The following CIBAR1 variants were observed in gnomAD, a reference collection of about 807,000 sequenced individuals.
CIBAR1 encodes CBY1 interacting BAR domain containing 1.
A neutral mutation model predicts 44.0 loss-of-function variants in CIBAR1; 25 were observed. The observed-to-expected ratio is 0.57, with a 90% CI of 0.41 to 0.79. CIBAR1 has a LOEUF of 0.79. Among genes scored for constraint, CIBAR1 ranks in the 30% least tolerant of loss-of-function variants. The pLI, the probability that CIBAR1 is intolerant of heterozygous loss-of-function variation, is 0.00. For missense variants in CIBAR1, 278 were observed against 344.8 expected, an observed-to-expected ratio of 0.81 and a Z score of 1.53; for synonymous variants, 115 against 119.0, an observed-to-expected ratio of 0.97 and a Z score of 0.22.
At chr8:93,702,336 A>G (rs1199201630) in intron 2 of CIBAR1, 2 of 396,014 alleles carry the variant, frequency 5.1e-6, no homozygotes, top group African/African-American at 2.1e-5. Flanking sequence ...TCTCAATTAT[A>G]TATGATAACT....
chr8:93,715,669 G>A (rs1266813600), intron 6 of CIBAR1: 1 of 151,900 alleles, frequency 6.6e-6, no homozygotes, highest in African/African-American at 2.4e-5. Context: ...TACATCAATG[G>A]GACCACCGTA....
intron 3 of CIBAR1, among the ~76,000 whole-genome samples, chr8:93,704,362 A>G (rs1325659083): frequency 2.0e-5 from 3 of 152,172 alleles, no homozygotes; most frequent in Non-Finnish European, 4.4e-5. Flanking sequence ...GCAGTCCCCA[A>G]CCATTTTGGC....
At chr8:93,724,335 AT>A (rs1453585834) in intron 7 of CIBAR1, among the ~76,000 whole-genome samples, 5 of 152,194 alleles carry the variant, frequency 3.3e-5, no homozygotes, top group Admixed American at 2.0e-4. Context: ...TATATATAAA[AT>A]TTTTTTTAAG....
At chr8:93,724,711 G>T in intron 7 of CIBAR1, 4 of 1,098,028 alleles carry the variant, frequency 3.6e-6, no homozygotes, top group Non-Finnish European at 4.6e-6. Context: ...TAGCCATTAG[G>T]CATATATAAC....
intron 8 of CIBAR1, 93 bp downstream of exon 8, chr8:93,726,606 G>A: frequency 9.6e-6 from 14 of 1,459,180 alleles, no homozygotes; most frequent in Non-Finnish European, 1.3e-5. Context: ...TATCACCTCG[G>A]TAACTTATCC....
chr8:93,700,876 G>A, intron 1 of CIBAR1: 1 of 1,309,368 alleles, frequency 7.6e-7, no homozygotes, highest in Non-Finnish European at 9.6e-7. Context: ...CCGGCCGGCT[G>A]CCACCCACCC....
rs759944744 is a variant in CIBAR1, at chr8:93,728,218, G to A, written c.791G>A (p.Arg264Gln). The A allele has an allele frequency of 3.8e-6, 6 of 1,578,586 alleles. No homozygotes were observed. Among genetic ancestry groups the A allele is most frequent in the African/African-American group, 1.4e-5 (1 of 72,628 alleles). The change falls in exon 9 of 9, where the codon CGA (arginine) becomes CAA (glutamine). Residue 264 changes from arginine to glutamine, a missense_variant. Around this residue, in one of 3 missense-constraint regions of CIBAR1, gnomAD observed 93 missense variants for 108.9 expected, o/e 0.85. Transcript: ENST00000518322. The stretch of plus-strand genomic sequence containing the variant: ...AACTTTTAACAGGTATCCACTTGTC[G>A]ACTAAGAAAGGATCAACAAGCAGAA... ...VSGTGQVSTC[R>Q]LRKDQQAEDD...
At position 93,709,759 on chromosome 8, in the gene CIBAR1, A is replaced by G. The variant is rs745313526; in HGVS notation, c.439-12A>G. The G allele has an allele frequency of 3.1e-6, 5 of 1,609,062 alleles. No individual in the cohort carries two copies. Among genetic ancestry groups the G allele is most frequent in the Admixed American group, 1.7e-5 (1 of 59,822 alleles). The stretch of plus-strand genomic sequence containing the variant: ...TTTTTTTTATATCCTTGGTTGGGGA[A>G]TACTTTTGTAGGCAGAAACGGAATT... On this transcript the variant is annotated splice_polypyrimidine_tract_variant and intron_variant, in intron 5 of 8. Transcript: ENST00000518322.
intron 7 of CIBAR1, chr8:93,721,137 C>A (rs1439285020): frequency 1.3e-5 from 2 of 152,070 alleles, no homozygotes; most frequent in Non-Finnish European, 2.9e-5. Flanking sequence ...GACTACAAGG[C>A]CCATTATGCT....
chr8:93,705,311 A>G (rs1463482505), intron 4 of CIBAR1: 6 of 365,606 alleles, frequency 1.6e-5, no homozygotes, highest in Non-Finnish European at 2.9e-5. Context: ...TGATGACTAA[A>G]TATTAATTCT....
At position 93,703,653 on chromosome 8, in the gene CIBAR1, T is replaced by G; in HGVS notation, c.295T>G (p.Leu99Val). Residue 99 changes from leucine to valine, a missense_variant, in exon 3 of 9, where the codon TTG becomes GTG. Around this residue, in one of 3 missense-constraint regions of CIBAR1, gnomAD observed 183 missense variants for 218.6 expected, o/e 0.84. Coordinates refer to ENST00000518322, the MANE Select transcript of CIBAR1 (RefSeq NM_145269.5). ...ACTTGAAGCCAAAGTAGTTGAACCC[T>G]TGAAAACTTATGGGACCATTGTGAA... The part of the protein sequence containing the change: ...ERLEAKVVEP[L>V]KTYGTIVKMK... The G allele has an allele frequency of 6.4e-7, 1 of 1,552,362 alleles. No homozygotes were observed. The highest frequency in any genetic ancestry group is 2.4e-5 in the East Asian group (1 of 41,394).
chr8:93,724,573 G>A, intron 7 of CIBAR1: 1 of 1,276,616 alleles, frequency 7.8e-7, no homozygotes, highest in South Asian at 1.3e-5. Flanking sequence ...CGATCCGCCT[G>A]CGTTGGCCTC....
At chr8:93,718,824 T>G (rs1281814584) in intron 7 of CIBAR1, 36 bp downstream of exon 7, 4 of 1,223,646 alleles carry the variant, frequency 3.3e-6, no homozygotes, top group Non-Finnish European at 1.1e-6. Flanking sequence ...GTTCTTCTGT[T>G]AATGTGGAAA....
intron 6 of CIBAR1, among the ~76,000 whole-genome samples, chr8:93,710,922 T>G (rs1169429521): frequency 1.3e-5 from 2 of 152,140 alleles, no homozygotes; most frequent in Non-Finnish European, 2.9e-5. Context: ...ATAAACCAAT[T>G]TTTTAATCTG....
intron 6 of CIBAR1, chr8:93,716,243 C>A (rs949858738): frequency 2.0e-5 from 3 of 152,096 alleles, no homozygotes; most frequent in Admixed American, 2.0e-4. Flanking sequence ...AGGGTTTCAC[C>A]ATGTTGGCCA....
intron 8 of CIBAR1, chr8:93,727,274 A>C: frequency 9.6e-7 from 1 of 1,045,402 alleles, no homozygotes; most frequent in South Asian, 1.4e-5. Flanking sequence ...TTCTATTTTC[A>C]TTTGATTCTC....
At chr8:93,712,422 A>G (rs969412182) in intron 6 of CIBAR1, among the ~76,000 whole-genome samples, 7 of 152,184 alleles carry the variant, frequency 4.6e-5, no homozygotes, top group Admixed American at 4.6e-4. Context: ...CATTGTATGG[A>G]TATACCACAT....
In CIBAR1 at chr8:93,700,679, A is replaced by G; in HGVS notation, c.26+6A>G. On this transcript the variant is annotated splice_donor_region_variant and intron_variant, in intron 1 of 8. Coordinates refer to ENST00000518322, the MANE Select transcript of CIBAR1 (RefSeq NM_145269.5). ...AGGCGCACCCTGGAAAACCGGTAAC[A>G]GCCCGAGCCCAGCTGCCCAGGGCCG... 1 of 1,504,252 alleles carries G rather than the reference A, an allele frequency of 6.6e-7. No homozygotes were observed. The highest frequency in any genetic ancestry group is 8.9e-7 in the Non-Finnish European group (1 of 1,127,032). 93.2% of individuals were successfully genotyped at this position (1,504,252 alleles called of 1,614,324 possible).
rs767771905 is a variant in CIBAR1 at position 93,701,419 on chromosome 8, A to G, written c.222A>G (p.Ala74=). ...TAAAGCTGGGCCTGATGAACTTTGC[A>G]GATGAGTTTGCCAAACTTCAGGATT... The part of the protein sequence containing the change: ...PHLKLGLMNF[A]DEFAKLQDYR... Residue 74 remains alanine, a synonymous_variant, in exon 2 of 9, where the codon GCA becomes GCG. Transcript: ENST00000518322. The G allele has an allele frequency of 1.4e-4, 221 of 1,613,670 alleles. No individual in the cohort carries two copies. Among genetic ancestry groups the G allele is most frequent in the Non-Finnish European group, 1.2e-4 (146 of 1,179,860 alleles).
Sources: gnomAD v4.1 joint callset for allele counts (sites outside exome capture counted in the v4.1 genomes callset) on GRCh38, gnomAD v4.1.1 for gene constraint, gnomAD v4.1.1 regional missense constraint, MANE v1.5 for transcripts, NCBI Gene and HGNC (gene_info 2026-07-23, HGNC 2026-07-21) for gene names.